Variants in FBXL7 observed in about 807,000 individuals in gnomAD.
FBXL7 encodes the protein F-box and leucine rich repeat protein 7.
FBXL7 carries 12 observed loss-of-function variants against 38.3 expected under a neutral mutation model. The observed-to-expected ratio is 0.31, with a 90% CI of 0.20 to 0.51. The LOEUF is 0.51. FBXL7 is among the 20% of genes least tolerant of loss of function. The pLI is 0.98. For missense variants in FBXL7, 567 were observed against 676.4 expected (o/e 0.84, Z 1.79); for synonymous variants, 297 against 300.9 (o/e 0.99, Z 0.13).
At chr5:15,650,057 C>T (rs998589987) in intron 2 of FBXL7, among the ~76,000 whole-genome samples, 1 of 152,194 alleles carries the variant, frequency 6.6e-6, no homozygotes, top group African/African-American at 2.4e-5. Flanking sequence ...CAGTGCACTG[C>T]CTTCGGGCTC....
At chr5:15,506,049 CT>C (rs1422612932) in intron 1 of FBXL7, among the ~76,000 whole-genome samples, 1 of 152,094 alleles carries the variant, frequency 6.6e-6, no homozygotes, top group Non-Finnish European at 1.5e-5. Flanking sequence ...CTTTTTCCTT[CT>C]TCACAGTTTT....
intron 2 of FBXL7, among the ~76,000 whole-genome samples, chr5:15,891,761 G>C (rs572755614): frequency 6.6e-6 from 1 of 152,142 alleles, no homozygotes; most frequent in Non-Finnish European, 1.5e-5. Context: ...AGAAATTGAC[G>C]AGAACTGAAT....
At chr5:15,579,083 T>A (rs374435078) in intron 1 of FBXL7, among the ~76,000 whole-genome samples, 3 of 152,348 alleles carry the variant, frequency 2.0e-5, no homozygotes, top group African/African-American at 7.2e-5. Flanking sequence ...AACTTTCATC[T>A]TTCCAGATCT....
At position 15,937,461 on chromosome 5, in the gene FBXL7, C is replaced by G. The variant is rs889992600; in HGVS notation, c.*275C>G. The G allele has an allele frequency of 1.2e-5, 5 of 402,462 alleles. No individual in the cohort carries two copies. In the Admixed American group the frequency reaches 1.2e-4, roughly 10 times the overall value. The allele number at this position is 402,462 out of a possible 1,614,324, so 24.9% of individuals were successfully genotyped here. A position where few individuals can be genotyped will look rare whatever the true frequency, so the allele number is the denominator to read the frequency against. Reference sequence around the variant, plus strand: ...TACTTAAGCAGGCTGATCGCTGTTCCTTGAGCAAGGCGCTTACTCTCCTCC... The same window carrying G: ...TACTTAAGCAGGCTGATCGCTGTTCGTTGAGCAAGGCGCTTACTCTCCTCC... On this transcript the variant is annotated 3_prime_UTR_variant, in exon 4 of 4. Coordinates refer to ENST00000504595, the MANE Select transcript of FBXL7 (RefSeq NM_012304.5).
chr5:15,680,933 C>T (rs1236371534), intron 2 of FBXL7, among the ~76,000 whole-genome samples: 1 of 152,118 alleles, frequency 6.6e-6, no homozygotes, highest in Admixed American at 6.6e-5. Context: ...ATGCTGACCT[C>T]TAAGTTCATG....
chr5:15,651,285 A>G (rs1467721702), intron 2 of FBXL7, among the ~76,000 whole-genome samples: 1 of 151,758 alleles, frequency 6.6e-6, no homozygotes, highest in African/African-American at 2.4e-5. Context: ...TTTAGTAGAG[A>G]CGGGGTTTCA....
chr5:15,567,331 C>G (rs1229692334), intron 1 of FBXL7, among the ~76,000 whole-genome samples: 1 of 152,084 alleles, frequency 6.6e-6, no homozygotes, highest in Non-Finnish European at 1.5e-5. Context: ...TTCTAGATTT[C>G]TACTTAGGTC....
chr5:15,811,220 A>C (rs1737851580), intron 2 of FBXL7, among the ~76,000 whole-genome samples: 1 of 152,210 alleles, frequency 6.6e-6, no homozygotes, highest in African/African-American at 2.4e-5. Context: ...TGAATCTTTA[A>C]AGTGTGTCTA....
chr5:15,579,523 A>G (rs1739071476), intron 1 of FBXL7, among the ~76,000 whole-genome samples: 1 of 152,240 alleles, frequency 6.6e-6, no homozygotes, highest in Non-Finnish European at 1.5e-5. Context: ...ATTGCTTTAC[A>G]AAAGTGCAAG....
chr5:15,753,882 A>G (rs1429941717), intron 2 of FBXL7, among the ~76,000 whole-genome samples: 2 of 152,218 alleles, frequency 1.3e-5, no homozygotes, highest in African/African-American at 4.8e-5. Flanking sequence ...TGGAACATGG[A>G]AAGTCCTGGA....
At chr5:15,746,142 GCCTGAAAAGTTGGGTGAATACTA>G (rs1287181016) in intron 2 of FBXL7, among the ~76,000 whole-genome samples, 2 of 152,168 alleles carry the variant, frequency 1.3e-5, no homozygotes, top group Admixed American at 1.3e-4. Context: ...TAAGTGCTTA[GCCTGAAAAGTTGGGTGAATACTA>G]TTTAATGACT....
intron 2 of FBXL7, among the ~76,000 whole-genome samples, chr5:15,739,842 G>A (rs1735849185): frequency 6.6e-6 from 1 of 152,046 alleles, no homozygotes; most frequent in African/African-American, 2.4e-5. Flanking sequence ...GAACATTTGT[G>A]TACAAGTTTT....
At chr5:15,897,880 G>C (rs1051058141) in intron 2 of FBXL7, among the ~76,000 whole-genome samples, 4 of 152,222 alleles carry the variant, frequency 2.6e-5, no homozygotes, top group Non-Finnish European at 5.9e-5. Flanking sequence ...GAATGGACTA[G>C]AGTTGGAAAA....
intron 2 of FBXL7, among the ~76,000 whole-genome samples, chr5:15,685,549 A>C (rs1742991880): frequency 6.6e-6 from 1 of 152,198 alleles, no homozygotes; most frequent in South Asian, 2.1e-4. Flanking sequence ...GGATGGTGGA[A>C]TATTCCATCT....
intron 2 of FBXL7, among the ~76,000 whole-genome samples, chr5:15,917,881 C>T (rs1741637114): frequency 6.6e-6 from 1 of 151,564 alleles, no homozygotes; most frequent in Admixed American, 6.6e-5. Context: ...AAAAAAGTGG[C>T]CTCTAATAGC....
chr5:15,567,550 A>G (rs1738622955), intron 1 of FBXL7, among the ~76,000 whole-genome samples: 1 of 151,830 alleles, frequency 6.6e-6, no homozygotes, highest in East Asian at 1.9e-4. Context: ...ATTTTCACTG[A>G]GAACCTTTTG....
intron 2 of FBXL7, among the ~76,000 whole-genome samples, chr5:15,686,446 G>T (rs981730188): frequency 1.3e-5 from 2 of 152,210 alleles, no homozygotes; most frequent in Non-Finnish European, 2.9e-5. Context: ...ATCAAACCAA[G>T]CAGTCTTCCT....
chr5:15,726,392 A>T (rs1326865246), intron 2 of FBXL7, among the ~76,000 whole-genome samples: 1 of 152,034 alleles, frequency 6.6e-6, no homozygotes, highest in Non-Finnish European at 1.5e-5. Context: ...AGTAGCCACT[A>T]CACCTCATCC....
Position 15,512,814 on chromosome 5 carries a change from A to G in FBXL7, c.37+12101A>G, listed in dbSNP as rs181947506. On this transcript the variant is annotated intron_variant, in intron 1 of 3. Coordinates refer to ENST00000504595, the MANE Select transcript of FBXL7 (RefSeq NM_012304.5). ...ATCTACTATGTATTTTTTATTGAAA[A>G]TTATGTTGTTTTGTAGTATTTGTTT... 6.2e-3 allele frequency among the ~76,000 whole-genome samples: 941 copies of G among 152,260 alleles called. 6 individuals are homozygous for G. Among genetic ancestry groups the G allele is most frequent in the Non-Finnish European group, 8.1e-3 (551 of 68,008 alleles).
Sources: gnomAD v4.1 joint callset for allele counts (sites outside exome capture counted in the v4.1 genomes callset) on GRCh38, gnomAD v4.1.1 for gene constraint, MANE v1.5 for transcripts, NCBI Gene and HGNC (gene_info 2026-07-23, HGNC 2026-07-21) for gene names.